The following RUBCNL variants were observed in gnomAD, a reference collection of about 807,000 sequenced individuals.
RUBCNL encodes the protein rubicon like autophagy enhancer.
In RUBCNL, 62 loss-of-function variants were observed where a neutral mutation model predicts 69.5. The ratio of observed to expected loss-of-function variants is 0.89; its 90% CI spans 0.73 to 1.10. RUBCNL has a LOEUF of 1.10. Among genes scored for constraint, RUBCNL ranks in the 50% least tolerant of loss-of-function variants. RUBCNL has a pLI of 0.00. For missense variants in RUBCNL, 768 were observed against 798.1 expected, an observed-to-expected ratio of 0.96 and a Z score of 0.45; for synonymous variants, 291 against 303.6, an observed-to-expected ratio of 0.96 and a Z score of 0.43.
chr13:46,364,836 A>G (rs2048714168), intron 5 of RUBCNL, among the ~76,000 whole-genome samples: 1 of 152,162 alleles, frequency 6.6e-6, no homozygotes, highest in African/African-American at 2.4e-5. Context: ...TTTGGAGGAT[A>G]GAAATATTCT....
At chr13:46,363,489 C>G (rs1243593168) in intron 5 of RUBCNL, among the ~76,000 whole-genome samples, 2 of 152,114 alleles carry the variant, frequency 1.3e-5, no homozygotes, top group Non-Finnish European at 2.9e-5. Flanking sequence ...TATTGAAACA[C>G]TGAAAGCATC....
chr13:46,359,588 A>T lies in RUBCNL; in HGVS notation c.1163T>A (p.Met388Lys), dbSNP rs755860840. 4 of 1,592,834 alleles carry T rather than the reference A, an allele frequency of 2.5e-6. No individual in the cohort carries two copies. The highest frequency in any genetic ancestry group is 2.3e-5 in the South Asian group (2 of 87,792). The change falls in exon 9 of 15, where the codon ATG becomes AAG. Residue 388 changes from methionine to lysine, a missense_variant. Transcript: ENST00000429979. ...ECVRKDFESS[M>K]NVVQEIKFKS... Reference sequence around the variant, plus strand: ...AAATTTAATTTCCTGTACTACATTCATACTGGATTCAAAGTCTTTTCGGAC... The same window carrying T: ...AAATTTAATTTCCTGTACTACATTCTTACTGGATTCAAAGTCTTTTCGGAC...
chr13:46,387,293 C>T, upstream of RUBCNL: 3 of 985,458 alleles, frequency 3.0e-6, no homozygotes, highest in Non-Finnish European at 3.6e-6. Context: ...GACGCCCCGA[C>T]GCCGCCACGC....
intron 7 of RUBCNL, 131 bp from the exon 8 acceptor site, chr13:46,361,704 G>C: frequency 1.2e-6 from 1 of 817,618 alleles, no homozygotes; most frequent in Admixed American, 2.8e-5. Context: ...GATGACGCAT[G>C]AATCACTCAC....
intron 1 of RUBCNL, among the ~76,000 whole-genome samples, chr13:46,381,652 G>A (rs567028734): frequency 2.6e-5 from 4 of 152,154 alleles, no homozygotes; most frequent in East Asian, 1.9e-4. Context: ...GTGCGATCTC[G>A]GCTCACTGCA....
intron 8 of RUBCNL, among the ~76,000 whole-genome samples, chr13:46,360,251 T>C (rs751160534): frequency 2.6e-5 from 4 of 151,974 alleles, no homozygotes; most frequent in Admixed American, 6.6e-5. Flanking sequence ...TAGCCAGAAA[T>C]TGCTTGAACC....
At chr13:46,357,058 C>G (rs972707438) in intron 9 of RUBCNL, among the ~76,000 whole-genome samples, 2 of 148,958 alleles carry the variant, frequency 1.3e-5, no homozygotes, top group African/African-American at 4.9e-5. Context: ...AAAGCTTCTG[C>G]TAGGCTGGGC....
chr13:46,350,056 C>A, intron 11 of RUBCNL, 57 bp downstream of exon 11: 2 of 1,299,514 alleles, frequency 1.5e-6, no homozygotes, highest in South Asian at 2.7e-5. Context: ...GTGTGATGTG[C>A]ATTTCCTGCC....
In RUBCNL at chr13:46,351,828, C is replaced by CTTTTT. The variant is rs57329384; in HGVS notation, c.1331-1482_1331-1478dup. On this transcript the variant is annotated intron_variant, in intron 10 of 14. Transcript: ENST00000429979. ...AAAGAAGGAATTTTTGCTCTTTACA[C>CTTTTT]TTTTTTTTTTTTTTTTTTGAGAAGG... is the stretch of plus-strand genomic sequence containing the variant. 6.1e-3 allele frequency among the ~76,000 whole-genome samples: 794 copies of CTTTTT among 129,742 alleles called. 20 individuals are homozygous for CTTTTT. The highest frequency in any genetic ancestry group is 9.5e-3 in the East Asian group (42 of 4,404). The allele number at this position is 129,742 out of a possible 152,430, so 85.1% of individuals were successfully genotyped here. A position where few individuals can be genotyped will look rare whatever the true frequency, so the allele number is the denominator to read the frequency against.
rs140759168 is a variant in RUBCNL, at chr13:46,340,497, C to T, written c.*2888G>A. ...ATCTCAACTGCAGAGAGTCATATCC[C>T]TCATTTTACAAACAGAGGCTTAGAT... On this transcript the variant is annotated 3_prime_UTR_variant, in exon 15 of 15. Transcript: ENST00000429979. 6.6e-6 allele frequency among the ~76,000 whole-genome samples: 1 copy of T among 152,290 alleles called. No homozygotes were observed. The highest frequency in any genetic ancestry group is 2.4e-5 in the African/African-American group (1 of 41,556).
chr13:46,344,643 G>T, intron 14 of RUBCNL, 98 bp downstream of exon 14: 1 of 761,358 alleles, frequency 1.3e-6, no homozygotes, highest in Non-Finnish European at 2.2e-6. Context: ...AAATTATTAA[G>T]CTATTATTCA....
chr13:46,358,997 G>C (rs145274830), intron 9 of RUBCNL, among the ~76,000 whole-genome samples: 21 of 152,056 alleles, frequency 1.4e-4, no homozygotes, highest in African/African-American at 5.1e-4. Context: ...AATTATCATA[G>C]GCTGAGCGAG....
intron 7 of RUBCNL, 38 bp from the exon 8 acceptor site, chr13:46,361,611 T>G (rs1302657908): frequency 1.3e-6 from 2 of 1,556,004 alleles, no homozygotes; most frequent in Non-Finnish European, 1.7e-6. Flanking sequence ...AAAACTATAT[T>G]CATGAGGAGT....
chr13:46,367,562 G>A (rs1270172421), intron 5 of RUBCNL, among the ~76,000 whole-genome samples: 1 of 152,136 alleles, frequency 6.6e-6, no homozygotes, highest in East Asian at 1.9e-4. Context: ...GACCCAAGAT[G>A]GCAGAAAGGG....
chr13:46,364,522 G>C (rs1324472345), intron 5 of RUBCNL, among the ~76,000 whole-genome samples: 1 of 152,060 alleles, frequency 6.6e-6, no homozygotes, highest in Non-Finnish European at 1.5e-5. Flanking sequence ...GGATAGAATG[G>C]GGGTAAGAGC....
chr13:46,382,438 GA>G (rs368778056), intron 1 of RUBCNL, among the ~76,000 whole-genome samples: 1,681 of 144,706 alleles, frequency 0.012, 35 homozygotes, highest in African/African-American at 0.04. Context: ...AAAAGGAAAA[GA>G]AAAAAAAAAA....
chr13:46,339,103 A>G lies in RUBCNL; in HGVS notation c.*4282T>C, dbSNP rs1185726882. Among the ~76,000 whole-genome samples, 1 of 151,674 alleles carries G rather than the reference A, an allele frequency of 6.6e-6. No homozygotes were observed. ...CACAATTTGCTTAACCTATGTGGTT[A>G]AGCTCTTCAATCCTCAGTCCCCTTG... On this transcript the variant is annotated 3_prime_UTR_variant, in exon 15 of 15. Transcript: ENST00000429979.
Position 46,356,486 on chromosome 13 carries a change from C to A in RUBCNL, c.1276G>T (p.Val426Leu). The A allele has an allele frequency of 6.2e-7, 1 of 1,613,936 alleles. No individual in the cohort carries two copies. Among genetic ancestry groups the A allele is most frequent in the Non-Finnish European group, 8.5e-7 (1 of 1,179,866 alleles). Residue 426 changes from valine (V) to leucine (L), a missense_variant, in exon 10 of 15, where the codon GTG (valine) becomes TTG (leucine). Transcript: ENST00000429979. ...NIHPPLKRDL[V>L]VAAQNFFCAG... ...CAGAAAAAATTCTGGGCTGCCACCA[C>A]AAGGTCCCTCCTGAATACGAAAAAT...
chr13:46,352,953 G>A (rs1049903420), intron 10 of RUBCNL, among the ~76,000 whole-genome samples: 2 of 152,174 alleles, frequency 1.3e-5, no homozygotes, highest in Non-Finnish European at 2.9e-5. Context: ...TGTGAGAGAG[G>A]GACAGTTATT....
Sources: allele counts gnomAD v4.1 joint callset (sites outside exome capture counted in the v4.1 genomes callset), GRCh38; gene constraint gnomAD v4.1.1; transcripts MANE v1.5; gene names NCBI Gene and HGNC (gene_info 2026-07-23, HGNC 2026-07-21).